Variants in CTCF observed in about 807,000 individuals in gnomAD.
CTCF encodes the protein transcriptional repressor CTCF.
Under a neutral mutation model 72.3 loss-of-function variants are expected in CTCF, and 7 were observed. That is an observed-to-expected ratio of 0.10 (90% CI 0.06 to 0.18). The LOEUF (loss-of-function observed/expected upper bound fraction) is 0.18. CTCF is among the 10% of genes least tolerant of loss of function. CTCF has a pLI of 1.00. For missense variants in CTCF, 516 were observed against 949.1 expected (o/e 0.54, Z 6.00); for synonymous variants, 374 against 315.8 (o/e 1.18, Z -1.95).
At chr16:67,588,368 C>A (rs551041332) in intron 2 of CTCF, among the ~76,000 whole-genome samples, 43 of 152,286 alleles carry the variant, frequency 2.8e-4, no homozygotes, top group South Asian at 6.2e-4. Context: ...GATGAAAAGA[C>A]TGTAGGGCTG....
intron 10 of CTCF, among the ~76,000 whole-genome samples, chr16:67,634,201 TTTG>T (rs879266323): frequency 6.6e-6 from 1 of 152,132 alleles, no homozygotes; most frequent in Non-Finnish European, 1.5e-5. Context: ...TTTATTTATT[TTTG>T]TTGTTATTTG....
At position 67,616,895 on chromosome 16, in the gene CTCF, T is replaced by A. The variant is rs762258195; in HGVS notation, c.1086+17T>A. ...AGTGTAGAAGTGAGTGTTCAGCTTT[T>A]TGTTGGTATCTCTCTTAGGCAGACC... On this transcript the variant is annotated intron_variant, in intron 5 of 11. Coordinates refer to ENST00000264010, the MANE Select transcript of CTCF (RefSeq NM_006565.4). 1 of 1,613,568 alleles carries A rather than the reference T, an allele frequency of 6.2e-7. No individual in the cohort carries two copies. The highest frequency in any genetic ancestry group is 1.7e-5 in the Admixed American group (1 of 59,992).
chr16:67,571,523 A>G (rs2051419915), intron 2 of CTCF, among the ~76,000 whole-genome samples: 1 of 152,210 alleles, frequency 6.6e-6, no homozygotes, highest in Non-Finnish European at 1.5e-5. Context: ...CCAATCTCAG[A>G]GACTATTCTC....
intron 1 of CTCF, among the ~76,000 whole-genome samples, chr16:67,565,158 C>T (rs1310921944): frequency 1.3e-5 from 2 of 151,972 alleles, no homozygotes; most frequent in Non-Finnish European, 1.5e-5. Context: ...CGTGCCACCA[C>T]GCCCGGCTAA....
intron 2 of CTCF, among the ~76,000 whole-genome samples, chr16:67,594,428 A>C (rs914088842): frequency 6.6e-6 from 1 of 151,196 alleles, no homozygotes; most frequent in African/African-American, 2.4e-5. Flanking sequence ...GGCTAGTTGC[A>C]GTGGCTCATG....
chr16:67,573,600 T>A (rs1296626932), intron 2 of CTCF, among the ~76,000 whole-genome samples: 1 of 152,200 alleles, frequency 6.6e-6, no homozygotes. Context: ...TGGATATGTT[T>A]GAGAAGCAAT....
chr16:67,636,568 T>G, intron 10 of CTCF, 122 bp from the exon 11 acceptor site: 1 of 305,524 alleles, frequency 3.3e-6, no homozygotes, highest in Non-Finnish European at 5.1e-6. Context: ...AGAAAGAAAG[T>G]GTATATATAT....
intron 7 of CTCF, 26 bp downstream of exon 7, chr16:67,621,617 G>GA (rs2052199690): frequency 3.9e-6 from 6 of 1,537,076 alleles, no homozygotes; most frequent in East Asian, 2.3e-5. Flanking sequence ...AGTGAGAAGT[G>GA]AAAAAAATAT....
intron 7 of CTCF, among the ~76,000 whole-genome samples, chr16:67,624,121 G>GTA (rs1469085650): frequency 4.8e-4 from 60 of 124,640 alleles, no homozygotes; most frequent in African/African-American, 1.9e-3. Flanking sequence ...GTGTGTATGT[G>GTA]TGTGTATATA....
intron 7 of CTCF, among the ~76,000 whole-genome samples, chr16:67,622,919 C>T (rs1265303837): frequency 1.1e-4 from 16 of 149,676 alleles, no homozygotes; most frequent in African/African-American, 3.7e-4. Flanking sequence ...ACCTCGGCCT[C>T]CCAAAGTGCT....
At chr16:67,563,795 T>C (rs2051310024) in intron 1 of CTCF, 1 of 152,260 alleles carries the variant, frequency 6.6e-6, no homozygotes, top group Non-Finnish European at 1.5e-5. Flanking sequence ...CTTTAAAATG[T>C]CCTCACACTA....
intron 2 of CTCF, among the ~76,000 whole-genome samples, chr16:67,580,616 C>A (rs2051565693): frequency 6.6e-6 from 1 of 151,834 alleles, no homozygotes; most frequent in Non-Finnish European, 1.5e-5. Flanking sequence ...GGCTGGAGTG[C>A]AGTGGCTCAA....
In CTCF at chr16:67,637,909, C is replaced by T. The variant is rs374939386; in HGVS notation, c.*37C>T. The T allele has an allele frequency of 7.7e-4, 1,168 of 1,525,550 alleles. 2 individuals carry two copies. The highest frequency in any genetic ancestry group is 9.7e-4 in the Non-Finnish European group (1,093 of 1,130,222). The allele number at this position is 1,525,550 out of a possible 1,614,324, so 94.5% of individuals were successfully genotyped here. ...TGTGCGTCGCCAGGACTTCTCTGGG[C>T]TGTGTTTAAACGGCCCGCATCTTAA... On this transcript the variant is annotated 3_prime_UTR_variant, in exon 12 of 12. Coordinates refer to ENST00000264010, the MANE Select transcript of CTCF (RefSeq NM_006565.4).
At chr16:67,611,750 T>A in intron 3 of CTCF, 137 bp downstream of exon 3, 1 of 1,030,074 alleles carries the variant, frequency 9.7e-7, no homozygotes, top group Non-Finnish European at 1.4e-6. Context: ...AAAACCAGTC[T>A]AAAATAAGTT....
intron 7 of CTCF, among the ~76,000 whole-genome samples, chr16:67,622,035 G>A (rs2052206463): frequency 6.6e-6 from 1 of 152,126 alleles, no homozygotes; most frequent in South Asian, 2.1e-4. Flanking sequence ...TTAAACTAGA[G>A]TTTACATGCA....
chr16:67,590,554 G>A (rs901534836), intron 2 of CTCF, among the ~76,000 whole-genome samples: 3 of 151,636 alleles, frequency 2.0e-5, no homozygotes, highest in African/African-American at 7.3e-5. Context: ...AGCCAGGATG[G>A]TCTCGATCTC....
intron 1 of CTCF, among the ~76,000 whole-genome samples, chr16:67,569,795 C>T (rs1019980118): frequency 6.6e-6 from 1 of 151,652 alleles, no homozygotes; most frequent in Non-Finnish European, 1.5e-5. Flanking sequence ...AGGCGATTCT[C>T]CTGCCTCAGC....
intron 10 of CTCF, among the ~76,000 whole-genome samples, chr16:67,633,469 A>AG (rs2052390234): frequency 6.6e-6 from 1 of 152,164 alleles, no homozygotes; most frequent in Admixed American, 6.5e-5. Flanking sequence ...GGCATTAGGG[A>AG]GGAGAGCAAG....
At chr16:67,578,089 T>C (rs2051525404) in intron 2 of CTCF, among the ~76,000 whole-genome samples, 1 of 152,146 alleles carries the variant, frequency 6.6e-6, no homozygotes. Context: ...GTACATATAA[T>C]ACAACTTTTT....
Sources: gnomAD v4.1 joint callset for allele counts (sites outside exome capture counted in the v4.1 genomes callset) on GRCh38, gnomAD v4.1.1 for gene constraint, MANE v1.5 for transcripts, NCBI Gene and HGNC (gene_info 2026-07-23, HGNC 2026-07-21) for gene names.